CAMK1D: variants seen among roughly 807,000 people sequenced by gnomAD.
The protein encoded by CAMK1D is calcium/calmodulin dependent protein kinase ID, also known as calcium/calmodulin-dependent protein kinase type 1D.
A neutral mutation model predicts 47.7 loss-of-function variants in CAMK1D; 9 were observed. The observed-to-expected ratio is 0.19, with a 90% CI of 0.11 to 0.33. The LOEUF (loss-of-function observed/expected upper bound fraction) is 0.33, where lower values mean the gene tolerates loss of function less well. Among genes scored for constraint, CAMK1D ranks in the 10% least tolerant of loss-of-function variants. The pLI is 1.00. For synonymous variants in CAMK1D, 184 were observed against 184.9 expected (o/e 0.99, Z 0.04); for missense variants, 291 against 488.7 (o/e 0.60, Z 3.81).
intron 6 of CAMK1D, among the ~76,000 whole-genome samples, chr10:12,800,668 A>G (rs1011955852): frequency 1.3e-5 from 2 of 152,202 alleles, no homozygotes; most frequent in African/African-American, 4.8e-5. Flanking sequence ...ACCTTGGCCT[A>G]ACTGCATAAA....
At position 12,390,697 on chromosome 10, in the gene CAMK1D, A is replaced by T. The variant is rs1838691279; in HGVS notation, c.92+40787A>T. Among the ~76,000 whole-genome samples the T allele has an allele frequency of 5.3e-5, 8 of 152,210 alleles. 1 individual carries two copies. The Middle Eastern group carries it at 0.01, about 194-fold the overall frequency. ...TGTGTGTTCCCCCTTGGGTCATGTC[A>T]CGTGGGAGCAGAAGCTTCTAGTCGA... is the stretch of plus-strand genomic sequence containing the variant. On this transcript the variant is annotated intron_variant, in intron 1 of 10. Coordinates refer to ENST00000619168, the MANE Select transcript of CAMK1D (RefSeq NM_153498.4).
chr10:12,727,754 A>C (rs886729906), intron 3 of CAMK1D, among the ~76,000 whole-genome samples: 6 of 139,964 alleles, frequency 4.3e-5, no homozygotes, highest in Non-Finnish European at 7.7e-5. Flanking sequence ...CAGGCTTCTA[A>C]ATTAATCACA....
intron 2 of CAMK1D, among the ~76,000 whole-genome samples, chr10:12,629,597 C>T (rs576007050): frequency 6.6e-6 from 1 of 152,278 alleles, no homozygotes; most frequent in South Asian, 2.1e-4. Context: ...TTATAGTCAT[C>T]GCAGACAAGG....
intron 2 of CAMK1D, among the ~76,000 whole-genome samples, chr10:12,652,643 A>C (rs1043415756): frequency 1.8e-4 from 27 of 152,204 alleles, no homozygotes; most frequent in Admixed American, 1.6e-3. Flanking sequence ...TATTAGCCAC[A>C]ACCTATTTGT....
intron 1 of CAMK1D, among the ~76,000 whole-genome samples, chr10:12,452,713 GTA>G (rs1564348687): frequency 6.6e-6 from 1 of 152,068 alleles, no homozygotes; most frequent in South Asian, 2.1e-4. Flanking sequence ...AGCCTCCCGA[GTA>G]GTTGGGATTA....
At chr10:12,404,792 G>A (rs1839356494) in intron 1 of CAMK1D, among the ~76,000 whole-genome samples, 1 of 151,676 alleles carries the variant, frequency 6.6e-6, no homozygotes, top group African/African-American at 2.4e-5. Context: ...CCTCGTGGGT[G>A]ATTCTCGTGC....
intron 5 of CAMK1D, among the ~76,000 whole-genome samples, chr10:12,784,565 AT>A (rs1418143124): frequency 6.6e-6 from 1 of 152,194 alleles, no homozygotes; most frequent in Non-Finnish European, 1.5e-5. Context: ...GTTAGGGTGA[AT>A]TCTGCCTCTT....
intron 1 of CAMK1D, among the ~76,000 whole-genome samples, chr10:12,523,854 T>A (rs1298051975): frequency 6.6e-6 from 1 of 152,224 alleles, no homozygotes; most frequent in Non-Finnish European, 1.5e-5. Context: ...TGACTCTTTC[T>A]TTCGTGGTGT....
chr10:12,765,557 G>A (rs969765644), intron 4 of CAMK1D, among the ~76,000 whole-genome samples: 1 of 152,204 alleles, frequency 6.6e-6, no homozygotes, highest in African/African-American at 2.4e-5. Context: ...GAATCCTGCT[G>A]AATCAGTTGA....
chr10:12,791,101 T>C, intron 5 of CAMK1D, 57 bp from the exon 6 acceptor site: 2 of 1,538,334 alleles, frequency 1.3e-6, no homozygotes, highest in African/African-American at 1.4e-5. Context: ...CCAAAAACTG[T>C]CTTCAGTCCG....
At chr10:12,682,311 A>G (rs995212785) in intron 3 of CAMK1D, among the ~76,000 whole-genome samples, 61 of 152,320 alleles carry the variant, frequency 4.0e-4, no homozygotes, top group African/African-American at 1.4e-3. Context: ...CCCTATTTTT[A>G]ATTGGATAAT....
At chr10:12,619,073 A>T (rs1217911243) in intron 2 of CAMK1D, among the ~76,000 whole-genome samples, 1 of 152,250 alleles carries the variant, frequency 6.6e-6, no homozygotes, top group African/African-American at 2.4e-5. Flanking sequence ...GAATCTTTGC[A>T]TGTAGCAGGA....
intron 4 of CAMK1D, among the ~76,000 whole-genome samples, chr10:12,768,706 GAAA>G (rs1221335459): frequency 1.5e-5 from 2 of 133,640 alleles, no homozygotes; most frequent in African/African-American, 2.8e-5. Flanking sequence ...CAGCTCTTCA[GAAA>G]AAAAAAAAAA....
intron 2 of CAMK1D, among the ~76,000 whole-genome samples, chr10:12,562,771 A>G (rs1836985603): frequency 6.6e-6 from 1 of 151,954 alleles, no homozygotes; most frequent in Non-Finnish European, 1.5e-5. Flanking sequence ...GTGCCATGGG[A>G]TCTCTGCTGC....
chr10:12,421,125 C>T (rs566207212), intron 1 of CAMK1D, among the ~76,000 whole-genome samples: 19 of 152,296 alleles, frequency 1.2e-4, no homozygotes, highest in African/African-American at 3.1e-4. Context: ...GCCCAGAATC[C>T]ATCAAGAAAT....
At chr10:12,497,883 A>G (rs1216192889) in intron 1 of CAMK1D, among the ~76,000 whole-genome samples, 1 of 152,218 alleles carries the variant, frequency 6.6e-6, no homozygotes, top group Non-Finnish European at 1.5e-5. Context: ...TAGAGAATTT[A>G]TAAGAGGCTT....
intron 1 of CAMK1D, among the ~76,000 whole-genome samples, chr10:12,463,588 G>T (rs867615484): frequency 6.6e-6 from 1 of 151,704 alleles, no homozygotes; most frequent in South Asian, 2.1e-4. Context: ...CAGCACATCT[G>T]TGTCTCTATC....
In CAMK1D at chr10:12,392,623, A is replaced by G. The variant is rs562449920; in HGVS notation, c.92+42713A>G. 7.2e-4 allele frequency among the ~76,000 whole-genome samples: 110 copies of G among 152,306 alleles called. 1 individual carries two copies. The highest frequency in any genetic ancestry group is 2.3e-3 in the South Asian group (11 of 4,824). On this transcript the variant is annotated intron_variant, in intron 1 of 10. Transcript: ENST00000619168. ...GAATGACTAAATTGATCTAGTTAATATATGTATTACTTAACATACTTGTTT... is the reference window on the plus strand; with the variant it reads ...GAATGACTAAATTGATCTAGTTAATGTATGTATTACTTAACATACTTGTTT...
intron 3 of CAMK1D, among the ~76,000 whole-genome samples, chr10:12,691,376 TAAA>T (rs1832889448): frequency 4.3e-4 from 5 of 11,704 alleles, no homozygotes; most frequent in African/African-American, 7.2e-4. Flanking sequence ...TATATATATA[TAAA>T]TATATATATA....
Sources: gnomAD v4.1 joint callset for allele counts (sites outside exome capture counted in the v4.1 genomes callset) on GRCh38, gnomAD v4.1.1 for gene constraint, MANE v1.5 for transcripts, NCBI Gene and HGNC (gene_info 2026-07-23, HGNC 2026-07-21) for gene names.